ST6GALNAC5: variants seen among roughly 807,000 people sequenced by gnomAD.
The protein encoded by ST6GALNAC5 is alpha-N-acetylgalactosaminide alpha-2,6-sialyltransferase 5.
In ST6GALNAC5, 27 loss-of-function variants were observed where a neutral mutation model predicts 33.6. The observed-to-expected ratio is 0.80, with a 90% confidence interval of 0.59 to 1.11. The LOEUF (loss-of-function observed/expected upper bound fraction) is 1.11. Among genes scored for constraint, ST6GALNAC5 ranks in the 50% least tolerant of loss-of-function variants. The probability of loss-of-function intolerance (pLI) is 0.00; values close to 1 mark genes in which losing one functional copy is unlikely to be tolerated. For missense variants in ST6GALNAC5, 428 were observed against 454.0 expected (o/e 0.94, Z 0.52); for synonymous variants, 194 against 171.2 (o/e 1.13, Z -1.04).
chr1:76,974,019 A>G (rs953476485), intron 2 of ST6GALNAC5, among the ~76,000 whole-genome samples: 1 of 151,956 alleles, frequency 6.6e-6, no homozygotes, highest in Non-Finnish European at 1.5e-5. Flanking sequence ...TGGTTTCTTT[A>G]CTATTCTAGT....
At chr1:76,940,236 T>C (rs1647301766) in intron 2 of ST6GALNAC5, among the ~76,000 whole-genome samples, 1 of 152,040 alleles carries the variant, frequency 6.6e-6, no homozygotes, top group African/African-American at 2.4e-5. Context: ...CTTTCTGAGT[T>C]TGGGTAACAA....
At chr1:76,993,466 T>C (rs571639113) in intron 2 of ST6GALNAC5, among the ~76,000 whole-genome samples, 1 of 152,352 alleles carries the variant, frequency 6.6e-6, no homozygotes, top group East Asian at 1.9e-4. Flanking sequence ...ATGTCAGTGT[T>C]ATGTTTCACT....
At chr1:77,002,281 G>C (rs1650202059) in intron 2 of ST6GALNAC5, among the ~76,000 whole-genome samples, 1 of 152,160 alleles carries the variant, frequency 6.6e-6, no homozygotes. Context: ...TTTGCATAGA[G>C]GTGTTTGTAG....
chr1:76,965,223 C>CA (rs1553168899), intron 2 of ST6GALNAC5, among the ~76,000 whole-genome samples: 1 of 152,012 alleles, frequency 6.6e-6, no homozygotes, highest in Non-Finnish European at 1.5e-5. Context: ...CCACCCCCCC[C>CA]ACCAACAGTG....
At chr1:77,034,946 G>A (rs1028017201) in intron 2 of ST6GALNAC5, among the ~76,000 whole-genome samples, 2 of 152,150 alleles carry the variant, frequency 1.3e-5, no homozygotes, top group African/African-American at 4.8e-5. Context: ...TACCTTTCGT[G>A]TATGGTTTTG....
chr1:77,014,983 C>T (rs1847166), intron 2 of ST6GALNAC5, among the ~76,000 whole-genome samples: 19,223 of 151,920 alleles, frequency 0.13, 1,399 homozygotes, highest in South Asian at 0.27. Flanking sequence ...CAATATTAAG[C>T]ACTGAGCTTA....
intron 2 of ST6GALNAC5, among the ~76,000 whole-genome samples, chr1:76,897,080 T>C (rs2100259085): frequency 6.6e-6 from 1 of 152,178 alleles, no homozygotes; most frequent in East Asian, 1.9e-4. Context: ...CCGAGATAGG[T>C]AACAGATGAG....
chr1:76,961,458 G>A (rs1440840170), intron 2 of ST6GALNAC5, among the ~76,000 whole-genome samples: 1 of 152,170 alleles, frequency 6.6e-6, no homozygotes, highest in African/African-American at 2.4e-5. Context: ...CCCATCAATG[G>A]TTTTCATTGT....
chr1:77,009,874 A>G (rs1382431189), intron 2 of ST6GALNAC5, among the ~76,000 whole-genome samples: 1 of 152,160 alleles, frequency 6.6e-6, no homozygotes, highest in Non-Finnish European at 1.5e-5. Flanking sequence ...TAATAGAGTG[A>G]CCTTGATCCT....
rs113208751 is a variant in ST6GALNAC5 at position 76,867,640 on chromosome 1, C to A, written c.-36C>A. The A allele has an allele frequency of 4.2e-5, 67 of 1,614,040 alleles. No individual in the cohort carries two copies. The African/African-American group carries it at 7.1e-4, about 17-fold the overall frequency. On this transcript the variant is annotated 5_prime_UTR_variant, in exon 1 of 5. Transcript: ENST00000477717. ...CCAGGAAAAAGTGGCCCCGGACGCG[C>A]GAGCCTGAGGATTCTGCACAAAAGA... is the stretch of plus-strand genomic sequence containing the variant.
At chr1:77,024,270 A>G (rs923727389) in intron 2 of ST6GALNAC5, among the ~76,000 whole-genome samples, 1 of 152,162 alleles carries the variant, frequency 6.6e-6, no homozygotes, top group African/African-American at 2.4e-5. Flanking sequence ...GGTCTTCCCC[A>G]CCAAACCGCA....
chr1:76,983,240 C>A (rs1649331792), intron 2 of ST6GALNAC5, among the ~76,000 whole-genome samples: 1 of 152,092 alleles, frequency 6.6e-6, no homozygotes. Context: ...AGTCAAGACC[C>A]ATCAGTGTGC....
chr1:77,062,818 A>G (rs755634911), intron 4 of ST6GALNAC5, among the ~76,000 whole-genome samples, 157 bp from the exon 5 acceptor site: 35 of 152,122 alleles, frequency 2.3e-4, no homozygotes, highest in Non-Finnish European at 4.7e-4. Context: ...AAACCTCTCC[A>G]CTTCCTTATT....
At chr1:77,009,635 G>T (rs945141134) in intron 2 of ST6GALNAC5, among the ~76,000 whole-genome samples, 1 of 152,164 alleles carries the variant, frequency 6.6e-6, no homozygotes, top group African/African-American at 2.4e-5. Context: ...CATGTGACAA[G>T]AAGCTGATCT....
intron 2 of ST6GALNAC5, among the ~76,000 whole-genome samples, chr1:76,971,319 C>T (rs112770129): frequency 6.6e-6 from 1 of 152,096 alleles, no homozygotes; most frequent in Non-Finnish European, 1.5e-5. Context: ...GAACCAGATG[C>T]CGGATACAGT....
intron 3 of ST6GALNAC5, among the ~76,000 whole-genome samples, chr1:77,047,105 C>T (rs1020464059): frequency 2.0e-5 from 3 of 152,200 alleles, no homozygotes; most frequent in Admixed American, 6.5e-5. Context: ...TTTCCACAGA[C>T]ATCCATCTGC....
rs1327427096 is a variant in ST6GALNAC5 at position 76,872,115 on chromosome 1, ACAC to A, written c.261+3377_261+3379del. Among the ~76,000 whole-genome samples, 69 of 133,560 alleles carry A rather than the reference ACAC, an allele frequency of 5.2e-4. No homozygotes were observed. The South Asian group carries it at 0.014, about 27-fold the overall frequency. 87.6% of individuals were successfully genotyped at this position (133,560 alleles called of 152,430 possible). A position where few individuals can be genotyped will look rare whatever the true frequency, so the allele number is the denominator to read the frequency against. On this transcript the variant is annotated intron_variant, in intron 2 of 4. Transcript: ENST00000477717. ...CACACACACACACACACACACACAC[ACAC>A]CACACACATTAAATCAAGAAATACT...
intron 2 of ST6GALNAC5, among the ~76,000 whole-genome samples, chr1:76,968,810 A>T (rs1648612440): frequency 6.6e-6 from 1 of 152,160 alleles, no homozygotes; most frequent in Non-Finnish European, 1.5e-5. Flanking sequence ...TGCTGTCTGT[A>T]AAGGATTTTA....
rs77413713 is a variant in ST6GALNAC5 at position 76,947,703 on chromosome 1, G to A, written c.261+78961G>A. The stretch of plus-strand genomic sequence containing the variant: ...CAAGGCTGCAGTGAGCTATGATCAC[G>A]CCGCTGTATTCTAGCCTCGGTGACA... On this transcript the variant is annotated intron_variant, in intron 2 of 4. Coordinates refer to ENST00000477717, the MANE Select transcript of ST6GALNAC5 (RefSeq NM_030965.3). 1.1e-3 allele frequency among the ~76,000 whole-genome samples: 171 copies of A among 152,216 alleles called. 3 individuals are homozygous for A. The East Asian group carries it at 0.028, about 25-fold the overall frequency.
Sources: gnomAD v4.1 joint callset for allele counts (sites outside exome capture counted in the v4.1 genomes callset) on GRCh38, gnomAD v4.1.1 for gene constraint, MANE v1.5 for transcripts, NCBI Gene and HGNC (gene_info 2026-07-23, HGNC 2026-07-21) for gene names.